LYPLAL1: variants seen among roughly 807,000 people sequenced by gnomAD.
LYPLAL1 encodes lysophospholipase like 1.
A neutral mutation model predicts 19.7 loss-of-function variants in LYPLAL1; 23 were observed. That is an observed-to-expected ratio of 1.17 (90% CI 0.84 to 1.65). LYPLAL1 has a LOEUF of 1.65. Ranked by LOEUF, LYPLAL1 falls within the 40% of genes most tolerant of loss-of-function variation. LYPLAL1 has a pLI of 0.00. For synonymous variants in LYPLAL1, 119 were observed against 96.3 expected (o/e 1.24, Z -1.38); for missense variants, 355 against 279.4 (o/e 1.27, Z -1.93).
chr1:219,278,719 G>A, the LYPLAL1 span, among the ~76,000 whole-genome samples: 17 of 141,550 alleles, frequency 1.2e-4, no homozygotes, highest in East Asian at 2.0e-4. Context: ...ACGTTTCATG[G>A]ATTGGGAAAG....
chr1:219,431,163 A>C, the LYPLAL1 span, among the ~76,000 whole-genome samples: 1 of 152,202 alleles, frequency 6.6e-6, no homozygotes, highest in Non-Finnish European at 1.5e-5. Context: ...TCAAATCCAC[A>C]CAGTATGAAG....
chr1:219,326,718 C>G, the LYPLAL1 span, among the ~76,000 whole-genome samples: 1 of 152,088 alleles, frequency 6.6e-6, no homozygotes, highest in Non-Finnish European at 1.5e-5. Flanking sequence ...GAAAGAGGAG[C>G]CTTTTAAAAA....
the LYPLAL1 span, among the ~76,000 whole-genome samples, chr1:219,416,970 T>G: frequency 6.6e-6 from 1 of 152,202 alleles, no homozygotes; most frequent in Non-Finnish European, 1.5e-5. Context: ...AAAGTGCCAT[T>G]TTCAGCTCAT....
At chr1:219,390,400 G>C in the LYPLAL1 span, among the ~76,000 whole-genome samples, 1 of 152,224 alleles carries the variant, frequency 6.6e-6, no homozygotes, top group East Asian at 1.9e-4. Context: ...AAATAACCAA[G>C]GAAGATTAAC....
the LYPLAL1 span, among the ~76,000 whole-genome samples, chr1:219,433,223 G>C: frequency 2.0e-5 from 3 of 152,134 alleles, no homozygotes; most frequent in African/African-American, 7.2e-5. Context: ...GTGAGAAAGC[G>C]GGAGGACTGG....
chr1:219,211,720 CAA>C lies in LYPLAL1; in HGVS notation c.710_711del (p.Lys237MetfsTer9). ...AAAGCTGCCAGGAGAAATGGAAAAA[CAA>C]AAATGAATGAATCAAGAGTGATTTG... is the stretch of plus-strand genomic sequence containing the variant. ...LTKLPGEMEKQK is the reference protein window; with the variant it reads ...LTKLPGEMEKXK On this transcript the variant is annotated frameshift_variant, in exon 5 of 5. Coordinates refer to ENST00000366928, the MANE Select transcript of LYPLAL1 (RefSeq NM_138794.5). LOFTEE classifies it high-confidence loss of function. 1 of 1,592,280 alleles carries C rather than the reference CAA, an allele frequency of 6.3e-7. No individual in the cohort carries two copies. Among genetic ancestry groups the C allele is most frequent in the Non-Finnish European group, 8.6e-7 (1 of 1,168,380 alleles).
At chr1:219,334,017 AT>A in the LYPLAL1 span, among the ~76,000 whole-genome samples, 635 of 152,208 alleles carry the variant, frequency 4.2e-3, 5 homozygotes, top group African/African-American at 0.015. Flanking sequence ...AACATTTCTA[AT>A]GTAAAATGTC....
At chr1:219,383,789 C>T in the LYPLAL1 span, among the ~76,000 whole-genome samples, 32 of 152,296 alleles carry the variant, frequency 2.1e-4, 2 homozygotes, top group East Asian at 6.2e-3. Flanking sequence ...GATTCTCTCT[C>T]TTTGGCAGAG....
the LYPLAL1 span, among the ~76,000 whole-genome samples, chr1:219,242,718 A>C: frequency 6.6e-6 from 1 of 150,436 alleles, no homozygotes; most frequent in Non-Finnish European, 1.5e-5. Context: ...TTATATATAT[A>C]ATTAATATAT....
chr1:219,184,707 CT>C (rs1231484931), intron 2 of LYPLAL1, among the ~76,000 whole-genome samples: 7 of 151,844 alleles, frequency 4.6e-5, no homozygotes, highest in Non-Finnish European at 1.0e-4. Context: ...TGGTTTTTAT[CT>C]TTCATTTTGT....
the LYPLAL1 span, among the ~76,000 whole-genome samples, chr1:219,306,830 A>T: frequency 8.0e-6 from 1 of 125,516 alleles, no homozygotes; most frequent in African/African-American, 3.0e-5. Context: ...ATAGATAGAT[A>T]GATAGATAGA....
chr1:219,199,661 C>A (rs1157274703), intron 3 of LYPLAL1, among the ~76,000 whole-genome samples: 1 of 145,190 alleles, frequency 6.9e-6, no homozygotes, highest in East Asian at 2.0e-4. Flanking sequence ...GTCGCCCAGG[C>A]TAGAGTGCAG....
the LYPLAL1 span, among the ~76,000 whole-genome samples, chr1:219,280,921 C>T: frequency 6.6e-6 from 1 of 152,070 alleles, no homozygotes; most frequent in Non-Finnish European, 1.5e-5. Flanking sequence ...TGGCGGCGGG[C>T]GCCTGTAATG....
chr1:219,330,403 A>G, the LYPLAL1 span, among the ~76,000 whole-genome samples: 2 of 152,330 alleles, frequency 1.3e-5, no homozygotes, highest in African/African-American at 2.4e-5. Flanking sequence ...CTGTGTGACA[A>G]TGAATGAAAC....
the LYPLAL1 span, among the ~76,000 whole-genome samples, chr1:219,282,852 A>G: frequency 6.6e-6 from 1 of 152,232 alleles, no homozygotes; most frequent in Admixed American, 6.5e-5. Flanking sequence ...ATTGTTGTCT[A>G]TCTTATGAGA....
the LYPLAL1 span, among the ~76,000 whole-genome samples, chr1:219,242,335 G>T: frequency 6.6e-6 from 1 of 152,124 alleles, no homozygotes; most frequent in African/African-American, 2.4e-5. Context: ...TGCAAAGTTG[G>T]CATACTACCC....
At chr1:219,407,688 A>G in the LYPLAL1 span, among the ~76,000 whole-genome samples, 1 of 152,342 alleles carries the variant, frequency 6.6e-6, no homozygotes, top group East Asian at 1.9e-4. Context: ...TTATTTTAGG[A>G]AAACAACTGA....
intron 3 of LYPLAL1, 129 bp from the exon 4 acceptor site, chr1:219,210,403 A>T (rs1658917913): frequency 1.7e-6 from 1 of 590,428 alleles, no homozygotes; most frequent in South Asian, 3.0e-5. Context: ...AACTTAGAGT[A>T]GACGAAATTT....
At position 219,173,901 on chromosome 1, in the gene LYPLAL1, CGT is replaced by C; in HGVS notation, c.12_13del (p.Ser5GlyfsTer16). 6.2e-7 allele frequency: 1 copy of C among 1,612,912 alleles called. No individual in the cohort carries two copies. The highest frequency in any genetic ancestry group is 8.5e-7 in the Non-Finnish European group (1 of 1,179,894). On this transcript the variant is annotated frameshift_variant, in exon 1 of 5. Coordinates refer to ENST00000366928, the MANE Select transcript of LYPLAL1 (RefSeq NM_138794.5). LOFTEE classifies it high-confidence loss of function. ...GCAGTGGCATCAGCGATGGCGGCTG[CGT>C]CGGGGTCGGTTCTGCAGCGCTGTAT...
Sources: gnomAD v4.1 joint callset for allele counts (sites outside exome capture counted in the v4.1 genomes callset) on GRCh38, gnomAD v4.1.1 for gene constraint, MANE v1.5 for transcripts, NCBI Gene and HGNC (gene_info 2026-07-23, HGNC 2026-07-21) for gene names.